The following LDAH variants were observed in gnomAD, a reference collection of about 807,000 sequenced individuals.
The protein encoded by LDAH is lipid droplet-associated hydrolase.
In LDAH, 26 loss-of-function variants were observed where a neutral mutation model predicts 29.6. The ratio of observed to expected loss-of-function variants is 0.88; its 90% confidence interval spans 0.64 to 1.22. The LOEUF is 1.22. Ranked by LOEUF, LDAH falls within the 50% of genes most tolerant of loss-of-function variation. The pLI, the probability that LDAH is intolerant of heterozygous loss-of-function variation, is 0.00. For missense variants in LDAH, 344 were observed against 387.3 expected, an observed-to-expected ratio of 0.89 and a Z score of 0.94; for synonymous variants, 117 against 133.0, an observed-to-expected ratio of 0.88 and a Z score of 0.83.
intron 1 of LDAH, among the ~76,000 whole-genome samples, chr2:20,810,445 C>G (rs904018113): frequency 5.9e-5 from 9 of 152,146 alleles, no homozygotes. Context: ...CATCAATATT[C>G]AAAGACAGCA....
chr2:20,756,469 C>T (rs1668351875), intron 4 of LDAH, among the ~76,000 whole-genome samples: 1 of 151,940 alleles, frequency 6.6e-6, no homozygotes, highest in Non-Finnish European at 1.5e-5. Context: ...ACAGACAATG[C>T]AGGAGCCCAA....
At chr2:20,735,891 T>C (rs962209636) in intron 5 of LDAH, among the ~76,000 whole-genome samples, 4 of 152,082 alleles carry the variant, frequency 2.6e-5, no homozygotes, top group Admixed American at 6.5e-5. Context: ...GTGAGTCCCT[T>C]GCTACTTCTC....
chr2:20,795,829 A>T (rs1671265744), intron 2 of LDAH, among the ~76,000 whole-genome samples: 1 of 152,164 alleles, frequency 6.6e-6, no homozygotes, highest in Non-Finnish European at 1.5e-5. Context: ...ATGAAATGTT[A>T]TGTCAGTCTA....
At chr2:20,725,005 T>C (rs1665911417) in intron 5 of LDAH, among the ~76,000 whole-genome samples, 1 of 152,214 alleles carries the variant, frequency 6.6e-6, no homozygotes, top group South Asian at 2.1e-4. Flanking sequence ...TCAACCATTG[T>C]GGGTGTATAT....
At chr2:20,754,690 A>C (rs914204816) in intron 4 of LDAH, among the ~76,000 whole-genome samples, 1 of 152,152 alleles carries the variant, frequency 6.6e-6, no homozygotes, top group Non-Finnish European at 1.5e-5. Flanking sequence ...TTTTACAGCT[A>C]AGAATGCAAA....
intron 5 of LDAH, among the ~76,000 whole-genome samples, chr2:20,739,182 C>G (rs1376622337): frequency 1.3e-5 from 2 of 152,144 alleles, no homozygotes; most frequent in African/African-American, 4.8e-5. Flanking sequence ...TTAGAAAGTG[C>G]CATCAGCTAC....
intron 5 of LDAH, among the ~76,000 whole-genome samples, chr2:20,726,234 G>T (rs1666004540): frequency 6.6e-6 from 1 of 152,214 alleles, no homozygotes; most frequent in Non-Finnish European, 1.5e-5. Flanking sequence ...CCTGAGAGGA[G>T]GCAGGGTAGG....
chr2:20,788,560 T>C (rs181314844), intron 3 of LDAH, among the ~76,000 whole-genome samples: 1 of 152,314 alleles, frequency 6.6e-6, no homozygotes, highest in East Asian at 1.9e-4. Flanking sequence ...ACGAAGACTA[T>C]AGATGTAAAA....
chr2:20,702,457 T>C (rs1664013836), intron 5 of LDAH, among the ~76,000 whole-genome samples: 1 of 152,236 alleles, frequency 6.6e-6, no homozygotes. Context: ...CTCTGTTTCT[T>C]AAATAGAAGG....
At chr2:20,736,707 T>C (rs112450708) in intron 5 of LDAH, among the ~76,000 whole-genome samples, 4,769 of 152,190 alleles carry the variant, frequency 0.031, 252 homozygotes, top group African/African-American at 0.11. Context: ...TGAAGGATGA[T>C]TCTAAATCAC....
chr2:20,808,120 A>C (rs554940610), intron 1 of LDAH, among the ~76,000 whole-genome samples: 1 of 152,148 alleles, frequency 6.6e-6, no homozygotes, highest in African/African-American at 2.4e-5. Context: ...TTAGGAATAA[A>C]TCTAACAAAT....
chr2:20,793,887 G>C (rs1671132535), intron 2 of LDAH, among the ~76,000 whole-genome samples: 1 of 152,082 alleles, frequency 6.6e-6, no homozygotes, highest in Non-Finnish European at 1.5e-5. Flanking sequence ...TTCCCACAAA[G>C]AAAATCCAGG....
chr2:20,777,868 C>T (rs1669928601), intron 3 of LDAH, among the ~76,000 whole-genome samples: 1 of 151,884 alleles, frequency 6.6e-6, no homozygotes, highest in South Asian at 2.1e-4. Flanking sequence ...AACTTACTCT[C>T]CAAAAAATGT....
Position 20,790,400 on chromosome 2 carries a change from TAAG to T in LDAH, c.155-5_155-3del, listed in dbSNP as rs1469968501. ...AAAAGGCAGAAAAACCTGGGTTACC[TAAG>T]AAAAGAAACACAGACCTTAGATTAA... On this transcript the variant is annotated splice_region_variant and splice_polypyrimidine_tract_variant and intron_variant, in intron 2 of 6. Coordinates refer to ENST00000237822, the MANE Select transcript of LDAH (RefSeq NM_021925.4). The T allele has an allele frequency of 1.2e-6, 2 of 1,611,844 alleles. No individual in the cohort carries two copies. The highest frequency in any genetic ancestry group is 1.7e-6 in the Non-Finnish European group (2 of 1,179,342).
At chr2:20,822,853 G>A (rs1376984284) in intron 1 of LDAH, among the ~76,000 whole-genome samples, 184 bp downstream of exon 1, 2 of 152,204 alleles carry the variant, frequency 1.3e-5, no homozygotes, top group Admixed American at 6.5e-5. Context: ...GGACTCCCAG[G>A]CCAAGTGGCT....
intron 2 of LDAH, among the ~76,000 whole-genome samples, chr2:20,796,703 C>T (rs1219704929): frequency 6.6e-6 from 1 of 152,168 alleles, no homozygotes; most frequent in Admixed American, 6.5e-5. Context: ...TGCCCAACCC[C>T]CAGACTTTCT....
chr2:20,796,982 C>G (rs1671346203), intron 2 of LDAH, among the ~76,000 whole-genome samples: 1 of 152,124 alleles, frequency 6.6e-6, no homozygotes, highest in Non-Finnish European at 1.5e-5. Context: ...AAGGATATCC[C>G]TTCTCGAGTT....
chr2:20,793,781 TAGAA>T (rs1242814275), intron 2 of LDAH, among the ~76,000 whole-genome samples: 21 of 148,572 alleles, frequency 1.4e-4, no homozygotes, highest in African/African-American at 5.5e-4. Context: ...AATAAACTTT[TAGAA>T]AGACAGAAAC....
At chr2:20,761,933 G>GAAAATTC (rs1021680082) in intron 4 of LDAH, among the ~76,000 whole-genome samples, 4 of 149,828 alleles carry the variant, frequency 2.7e-5, no homozygotes, top group African/African-American at 9.8e-5. Context: ...TGTCATTACA[G>GAAAATTC]AAAATTCAAA....
Sources: allele counts gnomAD v4.1 joint callset (sites outside exome capture counted in the v4.1 genomes callset), GRCh38; gene constraint gnomAD v4.1.1; transcripts MANE v1.5; gene names NCBI Gene and HGNC (gene_info 2026-07-23, HGNC 2026-07-21).